The following TEX10 variants were observed in gnomAD, a reference collection of about 807,000 sequenced individuals.
TEX10 encodes the protein testis-expressed protein 10.
In TEX10, 24 loss-of-function variants were observed where a neutral mutation model predicts 104.4. The observed-to-expected ratio is 0.23, with a 90% CI of 0.17 to 0.32. The LOEUF (loss-of-function observed/expected upper bound fraction) is 0.32, where lower values mean the gene tolerates loss of function less well. TEX10 is among the 10% of genes least tolerant of loss of function. The probability of loss-of-function intolerance (pLI) is 1.00; values close to 1 mark genes in which losing one functional copy is unlikely to be tolerated. For synonymous variants in TEX10, 396 were observed against 393.4 expected, an observed-to-expected ratio of 1.01 and a Z score of -0.08; for missense variants, 921 against 1,083.9, an observed-to-expected ratio of 0.85 and a Z score of 2.11.
In TEX10 at chr9:100,326,319, G is replaced by A. The variant is rs201748865; in HGVS notation, c.1962C>T (p.Ile654=). 3.0e-5 allele frequency: 49 copies of A among 1,613,714 alleles called. No homozygotes were observed. The highest frequency in any genetic ancestry group is 1.6e-4 in the Middle Eastern group (1 of 6,078). The change falls in exon 9 of 15, where the codon ATC becomes ATT. Residue 654 remains isoleucine (I), a synonymous_variant. Transcript: ENST00000374902. The part of the protein sequence containing the change: ...RLSSSLAAML[I]GILHMRSSFS... ...CATGCTACCTCATGTGCAGTATCCC[G>A]ATAAGCATGGCAGCCAAACTTGAAC...
chr9:100,319,945 G>C (rs7849966), intron 11 of TEX10, among the ~76,000 whole-genome samples: 1 of 152,164 alleles, frequency 6.6e-6, no homozygotes, highest in African/African-American at 2.4e-5. Context: ...ATAATCTACC[G>C]TTTAAAAAGT....
Position 100,330,012 on chromosome 9 carries a change from C to G in TEX10, c.1408G>C (p.Asp470His). Residue 470 changes from aspartate to histidine, a missense_variant, in exon 6 of 15, where the codon GAT becomes CAT. Coordinates refer to ENST00000374902, the MANE Select transcript of TEX10 (RefSeq NM_017746.4). ...TGCTTACTATTTAGCCTAGAGCCAT[C>G]TTCAAGGGTCTCTGTTACAAATTTC... ...IRKFVTETLE[D>H]GSRLNSKQLN... 1 of 1,614,176 alleles carries G rather than the reference C, an allele frequency of 6.2e-7. No homozygotes were observed. The highest frequency in any genetic ancestry group is 8.5e-7 in the Non-Finnish European group (1 of 1,180,008).
At chr9:100,303,161 C>T (rs1834048789) in intron 14 of TEX10, among the ~76,000 whole-genome samples, 1 of 152,118 alleles carries the variant, frequency 6.6e-6, no homozygotes, top group South Asian at 2.1e-4. Flanking sequence ...GTCAGGTATA[C>T]TAAAAACTTT....
intron 8 of TEX10, among the ~76,000 whole-genome samples, chr9:100,327,248 A>G (rs574610451): frequency 6.6e-6 from 1 of 152,254 alleles, no homozygotes; most frequent in South Asian, 2.1e-4. Flanking sequence ...AGAATTAGAC[A>G]GTGGTGATAG....
intron 11 of TEX10, among the ~76,000 whole-genome samples, chr9:100,317,376 A>G (rs555155140): frequency 4.6e-5 from 7 of 152,322 alleles, no homozygotes; most frequent in African/African-American, 1.7e-4. Context: ...GACAAAGTCA[A>G]CAAGAACTAC....
chr9:100,324,091 G>A (rs111332644), intron 9 of TEX10, among the ~76,000 whole-genome samples: 5,800 of 152,002 alleles, frequency 0.038, 393 homozygotes, highest in African/African-American at 0.13. Flanking sequence ...AGAGTGCAGC[G>A]GCATGATCTC....
At position 100,349,360 on chromosome 9, in the gene TEX10, T is replaced by A. The variant is rs754866627; in HGVS notation, c.4A>T (p.Thr2Ser). Reference sequence around the variant, plus strand: ...TCATGTTGGCGTTTTCTTTTTTTAGTCATTCTCGACTACTATAATGAAAAG... The same window carrying A: ...TCATGTTGGCGTTTTCTTTTTTTAGACATTCTCGACTACTATAATGAAAAG... M[T>S]KKRKRQHDFQ... is the part of the protein sequence containing the mutation. The change falls in exon 2 of 15, where the codon ACT becomes TCT. Residue 2 changes from threonine (T) to serine (S), a missense_variant. This residue lies in a region of TEX10 where 118 missense variants were observed against 111.3 expected (regional missense o/e 1.06). Coordinates refer to ENST00000374902, the MANE Select transcript of TEX10 (RefSeq NM_017746.4). 2.5e-6 allele frequency: 4 copies of A among 1,575,392 alleles called. No individual in the cohort carries two copies. The South Asian group carries it at 4.8e-5, about 19-fold the overall frequency.
At chr9:100,339,245 C>CAAAAAAAAAAAAAAAAA (rs1182764934) in intron 5 of TEX10, among the ~76,000 whole-genome samples, 1 of 29,398 alleles carries the variant, frequency 3.4e-5, no homozygotes, top group African/African-American at 1.2e-4. Context: ...GACTCCATCT[C>CAAAAAAAAAAAAAAAAA]AAAAAAAAAA....
chr9:100,329,218 A>G lies in TEX10; in HGVS notation c.1547T>C (p.Ile516Thr). The G allele has an allele frequency of 6.2e-7, 1 of 1,613,052 alleles. No individual in the cohort carries two copies. The highest frequency in any genetic ancestry group is 8.5e-7 in the Non-Finnish European group (1 of 1,179,670). Residue 516 changes from isoleucine (I) to threonine (T), a missense_variant, in exon 7 of 15, where the codon ATC (isoleucine) becomes ACC (threonine). By Grantham distance (89) the Ile-to-Thr change is moderately conservative. Around this residue, in one of 3 missense-constraint regions of TEX10, gnomAD observed 753 missense variants for 868.4 expected, o/e 0.87. Transcript: ENST00000374902. ...CAATAACAAAGTCCGAACTGGAAGG[A>G]TAAGGCCCCTCTGCTGATATAATGT... ...VYTLYQQRGL[I>T]LPVRTLLLKF...
intron 4 of TEX10, among the ~76,000 whole-genome samples, chr9:100,342,858 G>A (rs1486158525): frequency 6.6e-6 from 1 of 152,062 alleles, no homozygotes; most frequent in Non-Finnish European, 1.5e-5. Context: ...TTAAAAACTA[G>A]CTATATCGGC....
In TEX10 at chr9:100,329,013, T is replaced by C. The variant is rs183644788; in HGVS notation, c.1625+127A>G. 3,728 of 1,064,726 alleles carry C rather than the reference T, an allele frequency of 3.5e-3. 19 individuals are homozygous for C. Among genetic ancestry groups the C allele is most frequent in the Middle Eastern group, 7.0e-3 (22 of 3,124 alleles). The allele number at this position is 1,064,726 out of a possible 1,614,324, so 66.0% of individuals were successfully genotyped here. Reference sequence around the variant, plus strand: ...TTAAAATTTTATACCATTTCTTAAATGCAAACAAGTAGGATTAAAAAGAAT... The same window carrying C: ...TTAAAATTTTATACCATTTCTTAAACGCAAACAAGTAGGATTAAAAAGAAT... On this transcript the variant is annotated intron_variant, in intron 7 of 14. Coordinates refer to ENST00000374902, the MANE Select transcript of TEX10 (RefSeq NM_017746.4).
chr9:100,338,446 G>C lies in TEX10; in HGVS notation c.1250+1811C>G, dbSNP rs547508443. Among the ~76,000 whole-genome samples, 3 of 152,326 alleles carry C rather than the reference G, an allele frequency of 2.0e-5. No individual in the cohort carries two copies. In the South Asian group the frequency reaches 6.2e-4, roughly 32 times the overall value. ...AGGAGCATACCCTTCTGAGAGGTTA[G>C]AGTTTTGGCTCCCTTCCTCCAAGCT... On this transcript the variant is annotated intron_variant, in intron 5 of 14. Transcript: ENST00000374902.
In TEX10 at chr9:100,340,271, T is replaced by C; in HGVS notation, c.1236A>G (p.Lys412=). 6.4e-7 allele frequency: 1 copy of C among 1,559,304 alleles called. No individual in the cohort carries two copies. Among genetic ancestry groups the C allele is most frequent in the Admixed American group, 2.2e-5 (1 of 45,832 alleles). Residue 412 remains lysine (K), a synonymous_variant, in exon 5 of 15, where the codon AAA becomes AAG. Coordinates refer to ENST00000374902, the MANE Select transcript of TEX10 (RefSeq NM_017746.4). ...AATCATAATACCTTTTATTTGGCTC[T>C]TTCCTTTTGTGCTTGGTTATTTCTT... is the stretch of plus-strand genomic sequence containing the variant. The part of the protein sequence containing the change: ...VLKEITKHKR[K]EPNKSIKHCT...
intron 11 of TEX10, among the ~76,000 whole-genome samples, chr9:100,317,111 T>C (rs1416728435): frequency 1.3e-5 from 2 of 152,016 alleles, no homozygotes; most frequent in Non-Finnish European, 2.9e-5. Flanking sequence ...AAAATACCAG[T>C]ATCATTTTTC....
intron 5 of TEX10, among the ~76,000 whole-genome samples, chr9:100,335,824 T>C (rs904731882): frequency 2.0e-5 from 3 of 152,144 alleles, no homozygotes; most frequent in Non-Finnish European, 4.4e-5. Flanking sequence ...GTGGTTTAAA[T>C]GGTTAATGTT....
intron 6 of TEX10, 159 bp downstream of exon 6, chr9:100,329,772 C>A (rs1303267728): frequency 4.4e-6 from 3 of 676,534 alleles, no homozygotes; most frequent in Non-Finnish European, 7.6e-6. Context: ...GAGCCATAAA[C>A]AATTTCAGTG....
At chr9:100,326,212 C>T (rs539411801) in intron 9 of TEX10, 90 bp downstream of exon 9, 19 of 1,382,390 alleles carry the variant, frequency 1.4e-5, no homozygotes, top group Middle Eastern at 4.7e-4. Flanking sequence ...GTAGTGTATG[C>T]GACTTCAAAA....
At chr9:100,303,912 C>A in intron 13 of TEX10, 70 bp from the exon 14 acceptor site, 1 of 1,448,650 alleles carries the variant, frequency 6.9e-7, no homozygotes, top group South Asian at 1.2e-5. Context: ...TCTATATTCC[C>A]CCAAAGTGAA....
chr9:100,308,052 A>C (rs1834183991), intron 13 of TEX10, among the ~76,000 whole-genome samples: 1 of 152,214 alleles, frequency 6.6e-6, no homozygotes, highest in Non-Finnish European at 1.5e-5. Flanking sequence ...ATATACGAGC[A>C]AAAGTACTAA....
Sources: gnomAD v4.1 joint callset for allele counts (sites outside exome capture counted in the v4.1 genomes callset) on GRCh38, gnomAD v4.1.1 for gene constraint, gnomAD v4.1.1 regional missense constraint, MANE v1.5 for transcripts, NCBI Gene and HGNC (gene_info 2026-07-23, HGNC 2026-07-21) for gene names.